The following RBMS3 variants were observed in gnomAD, a reference collection of about 807,000 sequenced individuals.
RBMS3 encodes RNA binding motif single stranded interacting protein 3, also known as RNA-binding motif, single-stranded-interacting protein 3.
RBMS3 carries 27 observed loss-of-function variants against 66.8 expected under a neutral mutation model. That is an observed-to-expected ratio of 0.40 (90% confidence interval 0.30 to 0.56). The LOEUF (loss-of-function observed/expected upper bound fraction) is 0.56. Ranked by LOEUF, RBMS3 falls within the 20% of genes least tolerant of loss-of-function variation. The pLI, the probability that RBMS3 is intolerant of heterozygous loss-of-function variation, is 0.40. For synonymous variants in RBMS3, 188 were observed against 183.0 expected (o/e 1.03, Z -0.22); for missense variants, 513 against 549.5 (o/e 0.93, Z 0.66).
In RBMS3 at chr3:29,522,927, C is replaced by G. The variant is rs1187306000; in HGVS notation, c.307+34428C>G. Among the ~76,000 whole-genome samples, 5 of 152,278 alleles carry G rather than the reference C, an allele frequency of 3.3e-5. No homozygotes were observed. The East Asian group carries it at 9.7e-4, about 29-fold the overall frequency. ...GAATTCCCATGACCCTTACTTAGTACTTCTCTTTTGCAGCATTGTCGGTGT... is the reference window on the plus strand; with the variant it reads ...GAATTCCCATGACCCTTACTTAGTAGTTCTCTTTTGCAGCATTGTCGGTGT... On this transcript the variant is annotated intron_variant, in intron 3 of 14. Coordinates refer to ENST00000383767, the MANE Select transcript of RBMS3 (RefSeq NM_001003793.3).
Position 29,484,934 on chromosome 3 carries a change from C to T in RBMS3, c.249-3507C>T, listed in dbSNP as rs372074254. 1.4e-3 allele frequency among the ~76,000 whole-genome samples: 211 copies of T among 152,206 alleles called. 2 individuals are homozygous for T. Among genetic ancestry groups the T allele is most frequent in the African/African-American group, 4.7e-3 (194 of 41,548 alleles). On this transcript the variant is annotated intron_variant, in intron 2 of 14. Coordinates refer to ENST00000383767, the MANE Select transcript of RBMS3 (RefSeq NM_001003793.3). Reference sequence around the variant, plus strand: ...GAGTTAGCTGAGAGTTAATTGACTGCGGAGACTCTATTTTCAGTCTCTGCC... The same window carrying T: ...GAGTTAGCTGAGAGTTAATTGACTGTGGAGACTCTATTTTCAGTCTCTGCC...
At chr3:29,793,524 C>T (rs2057083602) in intron 6 of RBMS3, among the ~76,000 whole-genome samples, 2 of 152,184 alleles carry the variant, frequency 1.3e-5, no homozygotes, top group South Asian at 4.1e-4. Flanking sequence ...AATATCCTCT[C>T]TAATTTAAGA....
At chr3:29,941,535 G>A (rs2061393982) in intron 11 of RBMS3, among the ~76,000 whole-genome samples, 1 of 151,632 alleles carries the variant, frequency 6.6e-6, no homozygotes, top group Admixed American at 6.6e-5. Context: ...AAAAAAATTG[G>A]TTTAGTCTTA....
chr3:29,521,514 A>G (rs904053047), intron 3 of RBMS3, among the ~76,000 whole-genome samples: 2 of 152,206 alleles, frequency 1.3e-5, no homozygotes, highest in African/African-American at 4.8e-5. Context: ...ACAAGCTTAC[A>G]TTCCTGGAAA....
intron 1 of RBMS3, among the ~76,000 whole-genome samples, chr3:29,289,827 T>C (rs972940462): frequency 5.9e-5 from 9 of 151,852 alleles, no homozygotes; most frequent in Non-Finnish European, 1.3e-4. Flanking sequence ...TATTGTGAGG[T>C]TAAGAAATTG....
At chr3:29,536,361 T>C (rs1414905059) in intron 3 of RBMS3, among the ~76,000 whole-genome samples, 1 of 152,220 alleles carries the variant, frequency 6.6e-6, no homozygotes, top group African/African-American at 2.4e-5. Flanking sequence ...CAGCATGTAT[T>C]AATTTTTTTT....
At chr3:29,446,518 T>A (rs938343306) in intron 2 of RBMS3, among the ~76,000 whole-genome samples, 1 of 152,162 alleles carries the variant, frequency 6.6e-6, no homozygotes, top group African/African-American at 2.4e-5. Flanking sequence ...TGGTATATTT[T>A]ACAATATGAA....
chr3:29,536,863 T>G (rs1576157668), intron 3 of RBMS3, among the ~76,000 whole-genome samples: 1 of 152,314 alleles, frequency 6.6e-6, no homozygotes, highest in South Asian at 2.1e-4. Context: ...TTGTAAAATA[T>G]GAGAATTAGG....
chr3:29,920,027 T>G (rs1280091133), intron 10 of RBMS3, among the ~76,000 whole-genome samples: 1 of 152,196 alleles, frequency 6.6e-6, no homozygotes, highest in African/African-American at 2.4e-5. Context: ...CTACTTTTTT[T>G]TTAACGTACT....
At chr3:29,901,873 G>A (rs1483419303) in intron 10 of RBMS3, among the ~76,000 whole-genome samples, 2 of 151,764 alleles carry the variant, frequency 1.3e-5, no homozygotes, top group African/African-American at 4.8e-5. Context: ...ACAGTATCAT[G>A]GAAACACAGA....
chr3:29,700,809 T>TA (rs2052533195), intron 4 of RBMS3, among the ~76,000 whole-genome samples: 2 of 151,670 alleles, frequency 1.3e-5, no homozygotes, highest in Non-Finnish European at 2.9e-5. Flanking sequence ...AAAGAGAAAT[T>TA]AGAGAGCTGC....
At chr3:29,624,062 A>G (rs138498867) in intron 4 of RBMS3, among the ~76,000 whole-genome samples, 7 of 152,358 alleles carry the variant, frequency 4.6e-5, no homozygotes, top group African/African-American at 1.7e-4. Context: ...TTACACTGAT[A>G]TCGAACTTGA....
chr3:29,982,008 C>T (rs1281091860), intron 12 of RBMS3, among the ~76,000 whole-genome samples: 2 of 152,128 alleles, frequency 1.3e-5, no homozygotes, highest in Non-Finnish European at 2.9e-5. Flanking sequence ...GGTACCAGCT[C>T]CTCTTTGTAC....
chr3:29,776,320 C>CT (rs1165083866), intron 6 of RBMS3, among the ~76,000 whole-genome samples: 1 of 151,926 alleles, frequency 6.6e-6, no homozygotes, highest in East Asian at 1.9e-4. Context: ...GCTGCTGTCT[C>CT]TTTTTTACGT....
intron 1 of RBMS3, among the ~76,000 whole-genome samples, chr3:29,433,555 A>G (rs778796632): frequency 1.6e-4 from 25 of 152,110 alleles, no homozygotes; most frequent in Non-Finnish European, 3.2e-4. Context: ...TTTTGAAAAA[A>G]TCTTCTAACT....
At chr3:29,353,157 G>C (rs113743926) in intron 1 of RBMS3, among the ~76,000 whole-genome samples, 3,498 of 151,794 alleles carry the variant, frequency 0.023, 135 homozygotes, top group African/African-American at 0.081. Flanking sequence ...AAATATGTCT[G>C]ATTCTGGCTT....
intron 2 of RBMS3, among the ~76,000 whole-genome samples, chr3:29,456,032 G>A (rs1033499979): frequency 7.2e-5 from 11 of 152,108 alleles, no homozygotes; most frequent in African/African-American, 2.7e-4. Flanking sequence ...ATAAATGTTA[G>A]CAAGTAGGCA....
At chr3:29,694,682 T>C (rs1249235060) in intron 4 of RBMS3, among the ~76,000 whole-genome samples, 2 of 152,172 alleles carry the variant, frequency 1.3e-5, no homozygotes, top group Non-Finnish European at 2.9e-5. Context: ...TTGCATATAC[T>C]TAGAGTTCAA....
intron 6 of RBMS3, among the ~76,000 whole-genome samples, chr3:29,833,078 C>G (rs1156655227): frequency 6.6e-6 from 1 of 152,102 alleles, no homozygotes; most frequent in Non-Finnish European, 1.5e-5. Context: ...TTAAGAATTC[C>G]TCCCTAAGAG....
Sources: gnomAD v4.1 joint callset for allele counts (sites outside exome capture counted in the v4.1 genomes callset) on GRCh38, gnomAD v4.1.1 for gene constraint, MANE v1.5 for transcripts, NCBI Gene and HGNC (gene_info 2026-07-23, HGNC 2026-07-21) for gene names.